CLDND1: variants seen among roughly 807,000 people sequenced by gnomAD.
The protein encoded by CLDND1 is claudin domain-containing protein 1.
CLDND1 carries 13 observed loss-of-function variants against 26.3 expected under a neutral mutation model. The observed-to-expected ratio is 0.49, with a 90% confidence interval of 0.32 to 0.78. CLDND1 has a LOEUF of 0.78. Ranked by LOEUF, CLDND1 falls within the 30% of genes least tolerant of loss-of-function variation. CLDND1 has a pLI of 0.03. For missense variants in CLDND1, 289 were observed against 312.8 expected (o/e 0.92, Z 0.57); for synonymous variants, 107 against 107.0 (o/e 1.00, Z 0.00).
intron 1 of CLDND1, chr3:98,521,806 G>T: frequency 1.0e-6 from 1 of 983,308 alleles, no homozygotes; most frequent in Non-Finnish European, 1.6e-6. Context: ...ATTACAGACT[G>T]AATTTTTGCA....
chr3:98,517,645 T>C (rs931320302), intron 3 of CLDND1, among the ~76,000 whole-genome samples: 3 of 152,238 alleles, frequency 2.0e-5, no homozygotes, highest in African/African-American at 7.2e-5. Context: ...CTAAAGATGA[T>C]TTAAAGTATA....
chr3:98,522,693 C>A, intron 1 of CLDND1, 156 bp downstream of exon 1: 1 of 1,475,568 alleles, frequency 6.8e-7, no homozygotes, highest in South Asian at 1.4e-5. Flanking sequence ...GGTACCCGAC[C>A]AGGCCCCGCC....
In CLDND1 at chr3:98,516,139, G is replaced by C; in HGVS notation, c.*520C>G. 1 of 1,051,542 alleles carries C rather than the reference G, an allele frequency of 9.5e-7. No homozygotes were observed. The highest frequency in any genetic ancestry group is 1.2e-6 in the Non-Finnish European group (1 of 869,036). 65.1% of individuals were successfully genotyped at this position (1,051,542 alleles called of 1,614,324 possible). A position where few individuals can be genotyped will look rare whatever the true frequency, so the allele number is the denominator to read the frequency against. On this transcript the variant is annotated 3_prime_UTR_variant, in exon 5 of 5. Transcript: ENST00000341181. ...ACCTCAGATGAAGCTATGTGTCAATGCTTAGGGAAAATGATCTTAGATAAT... is the reference window on the plus strand; with the variant it reads ...ACCTCAGATGAAGCTATGTGTCAATCCTTAGGGAAAATGATCTTAGATAAT...
Position 98,519,048 on chromosome 3 carries a change from C to A in CLDND1, c.293-53G>T, listed in dbSNP as rs754144135. The stretch of plus-strand genomic sequence containing the variant: ...TTAATTATAAACATTTAACAAAAAT[C>A]TCTTTCAGTAATTATTCTCTGAAGT... On this transcript the variant is annotated intron_variant, in intron 2 of 4. Coordinates refer to ENST00000341181, the MANE Select transcript of CLDND1 (RefSeq NM_001040181.2). 5.7e-6 allele frequency: 6 copies of A among 1,055,828 alleles called. No individual in the cohort carries two copies. The South Asian group carries it at 8.4e-5, about 15-fold the overall frequency. The allele number at this position is 1,055,828 out of a possible 1,614,324, so 65.4% of individuals were successfully genotyped here. A position where few individuals can be genotyped will look rare whatever the true frequency, so the allele number is the denominator to read the frequency against.
Position 98,516,210 on chromosome 3 carries a change from T to C in CLDND1, c.*449A>G, listed in dbSNP as rs1706130285. ...AAATCTTTGAAAACAGCACTAATACTGCTGGTTGACTGGCTATCTACAACA... is the reference window on the plus strand; with the variant it reads ...AAATCTTTGAAAACAGCACTAATACCGCTGGTTGACTGGCTATCTACAACA... On this transcript the variant is annotated 3_prime_UTR_variant, in exon 5 of 5. Transcript: ENST00000341181. 1 of 1,041,966 alleles carries C rather than the reference T, an allele frequency of 9.6e-7. No homozygotes were observed. Among genetic ancestry groups the C allele is most frequent in the South Asian group, 3.3e-5 (1 of 29,936 alleles). 64.5% of individuals were successfully genotyped at this position (1,041,966 alleles called of 1,614,324 possible).
At chr3:98,521,737 TTACAGA>T in intron 1 of CLDND1, 1 of 1,579,288 alleles carries the variant, frequency 6.3e-7, no homozygotes, top group South Asian at 1.1e-5. Flanking sequence ...GACATACACA[TTACAGA>T]TACAAACAAT....
chr3:98,521,928 A>C, intron 1 of CLDND1: 1 of 537,464 alleles, frequency 1.9e-6, no homozygotes, highest in Non-Finnish European at 3.3e-6. Context: ...GCCTCCTAAA[A>C]CAAAGGTAAG....
chr3:98,522,718 CCTGG>C, intron 1 of CLDND1, 127 bp downstream of exon 1: 13 of 1,559,322 alleles, frequency 8.3e-6, no homozygotes, highest in Non-Finnish European at 1.0e-5. Flanking sequence ...AGGGCTCGGC[CCTGG>C]GACAAATCCG....
chr3:98,517,202 A>C lies in CLDND1; in HGVS notation c.404-13T>G. ...CAACGCCAAAGATCTGATTTTTAAAAAGAGAGAAAAGAAATGTTACCGTGA... is the reference window on the plus strand; with the variant it reads ...CAACGCCAAAGATCTGATTTTTAAACAGAGAGAAAAGAAATGTTACCGTGA... On this transcript the variant is annotated splice_polypyrimidine_tract_variant and intron_variant, in intron 3 of 4. Coordinates refer to ENST00000341181, the MANE Select transcript of CLDND1 (RefSeq NM_001040181.2). 6.2e-7 allele frequency: 1 copy of C among 1,606,460 alleles called. No individual in the cohort carries two copies. Among genetic ancestry groups the C allele is most frequent in the Non-Finnish European group, 8.5e-7 (1 of 1,177,988 alleles).
chr3:98,521,960 CAG>C (rs1418457403), intron 1 of CLDND1: 1 of 451,836 alleles, frequency 2.2e-6, no homozygotes, highest in Non-Finnish European at 3.9e-6. Context: ...ATACAGAAAA[CAG>C]AGTTGAAGAT....
Position 98,515,799 on chromosome 3 carries a change from G to A in CLDND1, c.*860C>T, listed in dbSNP as rs1334132734. On this transcript the variant is annotated 3_prime_UTR_variant, in exon 5 of 5. Transcript: ENST00000341181. The stretch of plus-strand genomic sequence containing the variant: ...GTGGTAGGTTTCCCAGCTCTGGAGG[G>A]TCATTATGGTGAAACGTTCTTTATA... The A allele has an allele frequency of 7.8e-7, 1 of 1,289,700 alleles. No homozygotes were observed. Among genetic ancestry groups the A allele is most frequent in the Admixed American group, 2.3e-5 (1 of 43,564 alleles). The allele number at this position is 1,289,700 out of a possible 1,614,324, so 79.9% of individuals were successfully genotyped here.
rs767618647 is a variant in CLDND1 at position 98,516,707 on chromosome 3, G to A, written c.714C>T (p.His238=). ...MASALFIWAA[H]TNRKEYTLMK... is the part of the protein sequence containing the mutation. Reference sequence around the variant, plus strand: ...TTAAGGTGTACTCTTTCCGGTTGGTGTGAGCAGCCCAGATGAAGAGAGCAG... The same window carrying A: ...TTAAGGTGTACTCTTTCCGGTTGGTATGAGCAGCCCAGATGAAGAGAGCAG... Residue 238 remains histidine, a synonymous_variant, in exon 5 of 5, where the codon CAC becomes CAT. Transcript: ENST00000341181. The A allele has an allele frequency of 1.2e-6, 2 of 1,614,184 alleles. No homozygotes were observed. Among genetic ancestry groups the A allele is most frequent in the Non-Finnish European group, 1.7e-6 (2 of 1,180,024 alleles).
At chr3:98,518,530 T>A (rs1054048422) in intron 3 of CLDND1, among the ~76,000 whole-genome samples, 1 of 152,214 alleles carries the variant, frequency 6.6e-6, no homozygotes, top group African/African-American at 2.4e-5. Flanking sequence ...TTTTCACATA[T>A]ACTTACCTGA....
At chr3:98,519,469 T>A (rs1478010789) in intron 2 of CLDND1, among the ~76,000 whole-genome samples, 1 of 152,244 alleles carries the variant, frequency 6.6e-6, no homozygotes, top group African/African-American at 2.4e-5. Context: ...ATCCAGCTGC[T>A]GCTCAGTGCT....
At chr3:98,518,859 T>A (rs1433645150) in intron 3 of CLDND1, 26 bp downstream of exon 3, 1 of 1,281,466 alleles carries the variant, frequency 7.8e-7, no homozygotes, top group Non-Finnish European at 1.1e-6. Context: ...TTCCCCCAAC[T>A]GTCCTGGTGA....
intron 3 of CLDND1, 46 bp from the exon 4 acceptor site, chr3:98,517,235 C>T: frequency 2.5e-6 from 4 of 1,587,846 alleles, no homozygotes; most frequent in Non-Finnish European, 3.4e-6. Flanking sequence ...TGATTTCAGA[C>T]CATTTTCCCC....
At chr3:98,517,612 T>A (rs1706202974) in intron 3 of CLDND1, among the ~76,000 whole-genome samples, 1 of 152,220 alleles carries the variant, frequency 6.6e-6, no homozygotes, top group Non-Finnish European at 1.5e-5. Flanking sequence ...AGCATTTATA[T>A]TGTATTGGGT....
Position 98,522,896 on chromosome 3 carries a change from G to A in CLDND1, c.-66C>T, listed in dbSNP as rs1231181596. 3 of 1,612,590 alleles carry A rather than the reference G, an allele frequency of 1.9e-6. No individual in the cohort carries two copies. The highest frequency in any genetic ancestry group is 2.7e-5 in the African/African-American group (2 of 74,664). On this transcript the variant is annotated 5_prime_UTR_variant, in exon 1 of 5. Transcript: ENST00000341181. ...GCTTCACCCTCTAGCTCAGACCACA[G>A]CACCCTACTCTCCCCGCGCCTCCTC... is the stretch of plus-strand genomic sequence containing the variant.
At chr3:98,519,188 T>C (rs929619792) in intron 2 of CLDND1, among the ~76,000 whole-genome samples, 193 bp from the exon 3 acceptor site, 8 of 152,092 alleles carry the variant, frequency 5.3e-5, no homozygotes, top group Non-Finnish European at 7.4e-5. Flanking sequence ...GCTGAAGACA[T>C]AGGCACAAGG....
Sources: allele counts gnomAD v4.1 joint callset (sites outside exome capture counted in the v4.1 genomes callset), GRCh38; gene constraint gnomAD v4.1.1; transcripts MANE v1.5; gene names NCBI Gene and HGNC (gene_info 2026-07-23, HGNC 2026-07-21).